The following WDFY2 variants were observed in gnomAD, a reference collection of about 807,000 sequenced individuals.
The protein encoded by WDFY2 is WD repeat and FYVE domain-containing protein 2.
WDFY2 carries 36 observed loss-of-function variants against 56.4 expected under a neutral mutation model. The ratio of observed to expected loss-of-function variants is 0.64; its 90% CI spans 0.49 to 0.84. The LOEUF (loss-of-function observed/expected upper bound fraction) is 0.84, where lower values mean the gene tolerates loss of function less well. Among genes scored for constraint, WDFY2 ranks in the 40% least tolerant of loss-of-function variants. The pLI, the probability that WDFY2 is intolerant of heterozygous loss-of-function variation, is 0.00. For missense variants in WDFY2, 444 were observed against 512.2 expected (o/e 0.87, Z 1.29); for synonymous variants, 176 against 183.7 (o/e 0.96, Z 0.34).
At chr13:51,707,178 G>A (rs1360930055) in intron 4 of WDFY2, among the ~76,000 whole-genome samples, 1 of 152,174 alleles carries the variant, frequency 6.6e-6, no homozygotes, top group Non-Finnish European at 1.5e-5. Context: ...GGGCAGCAGG[G>A]AGACAGGGTC....
At chr13:51,586,365 A>G in intron 1 of WDFY2, 1 of 286,692 alleles carries the variant, frequency 3.5e-6, no homozygotes, top group Non-Finnish European at 6.4e-6. Context: ...AAATTCATGG[A>G]ATCAAGAAAA....
chr13:51,594,113 T>A (rs1220589994), intron 1 of WDFY2: 3 of 152,192 alleles, frequency 2.0e-5, no homozygotes, highest in Non-Finnish European at 2.9e-5. Context: ...TGTGGACACC[T>A]AATTAGCATA....
intron 2 of WDFY2, among the ~76,000 whole-genome samples, chr13:51,672,571 A>G (rs1316243209): frequency 6.6e-6 from 1 of 151,930 alleles, no homozygotes; most frequent in Non-Finnish European, 1.5e-5. Flanking sequence ...TGTTTTTTCT[A>G]GTTCTATGAA....
At chr13:51,662,229 C>G (rs1955628600) in intron 2 of WDFY2, among the ~76,000 whole-genome samples, 1 of 152,186 alleles carries the variant, frequency 6.6e-6, no homozygotes, top group Non-Finnish European at 1.5e-5. Context: ...CCTCGGCCTC[C>G]CAAAGTGCTT....
intron 1 of WDFY2, among the ~76,000 whole-genome samples, chr13:51,644,318 G>A (rs1955227977): frequency 2.0e-5 from 3 of 152,120 alleles, no homozygotes; most frequent in South Asian, 2.1e-4. Context: ...TCCCCCTCTC[G>A]AGGGTCTTAC....
chr13:51,747,262 C>A (rs1953124483), intron 7 of WDFY2, among the ~76,000 whole-genome samples: 1 of 152,192 alleles, frequency 6.6e-6, no homozygotes, highest in Admixed American at 6.5e-5. Context: ...AAGTAAAATT[C>A]CCCATTGGGA....
intron 1 of WDFY2, among the ~76,000 whole-genome samples, chr13:51,599,910 A>C (rs763921686): frequency 1.3e-5 from 2 of 152,008 alleles, no homozygotes; most frequent in Non-Finnish European, 2.9e-5. Flanking sequence ...AAAAAAAACA[A>C]AACAAAAAAA....
intron 1 of WDFY2, among the ~76,000 whole-genome samples, chr13:51,623,716 A>G (rs928913374): frequency 6.6e-6 from 1 of 152,202 alleles, no homozygotes; most frequent in African/African-American, 2.4e-5. Context: ...TCCTGTGAAC[A>G]TTGGGAAGCT....
chr13:51,740,606 C>A (rs1004269252), intron 7 of WDFY2, among the ~76,000 whole-genome samples: 1 of 151,286 alleles, frequency 6.6e-6, no homozygotes, highest in African/African-American at 2.4e-5. Context: ...CCCAGCTACT[C>A]GGGAGGCTGA....
At chr13:51,737,551 TAA>T (rs67418551) in intron 6 of WDFY2, among the ~76,000 whole-genome samples, 352 of 53,228 alleles carry the variant, frequency 6.6e-3, no homozygotes, top group African/African-American at 0.011. Context: ...ACAATGAATT[TAA>T]AAAAAAAAAA....
intron 4 of WDFY2, among the ~76,000 whole-genome samples, chr13:51,717,213 T>C (rs1267095297): frequency 6.6e-6 from 1 of 152,182 alleles, no homozygotes; most frequent in African/African-American, 2.4e-5. Context: ...TAGTGATAAG[T>C]TATGTATCTT....
chr13:51,749,574 T>G (rs933310294), intron 7 of WDFY2, among the ~76,000 whole-genome samples: 3 of 152,116 alleles, frequency 2.0e-5, no homozygotes, highest in African/African-American at 7.2e-5. Context: ...CACACATTAC[T>G]GAAATTTCCA....
intron 7 of WDFY2, among the ~76,000 whole-genome samples, chr13:51,741,106 A>T (rs1206278213): frequency 6.6e-6 from 1 of 152,224 alleles, no homozygotes; most frequent in Non-Finnish European, 1.5e-5. Flanking sequence ...AAACTTTAAC[A>T]AATAGCTCTT....
intron 1 of WDFY2, among the ~76,000 whole-genome samples, chr13:51,641,198 G>A (rs528493582): frequency 6.6e-6 from 1 of 151,822 alleles, no homozygotes; most frequent in Non-Finnish European, 1.5e-5. Flanking sequence ...CTAGCCTCCC[G>A]AGTAGCTGGG....
chr13:51,594,411 C>A (rs945652917), intron 1 of WDFY2, among the ~76,000 whole-genome samples: 4 of 152,156 alleles, frequency 2.6e-5, no homozygotes, highest in Non-Finnish European at 5.9e-5. Flanking sequence ...CTAAAACTTG[C>A]TGTTAATTAT....
intron 6 of WDFY2, among the ~76,000 whole-genome samples, chr13:51,733,170 G>A (rs1247478481): frequency 6.6e-6 from 1 of 152,056 alleles, no homozygotes; most frequent in Non-Finnish European, 1.5e-5. Context: ...TGAGTAGCTG[G>A]GATTACAGGT....
intron 3 of WDFY2, among the ~76,000 whole-genome samples, chr13:51,698,400 T>A (rs898537241): frequency 1.1e-4 from 17 of 152,324 alleles, no homozygotes; most frequent in African/African-American, 3.6e-4. Context: ...TTTTATAAAT[T>A]GAAGGATTTT....
chr13:51,717,566 G>T (rs934316451), intron 4 of WDFY2, among the ~76,000 whole-genome samples: 1 of 151,872 alleles, frequency 6.6e-6, no homozygotes, highest in Non-Finnish European at 1.5e-5. Context: ...TAAAAAGAGG[G>T]GTGAGGTGTT....
At chr13:51,658,704 G>A (rs529217232) in intron 1 of WDFY2, among the ~76,000 whole-genome samples, 60 of 152,228 alleles carry the variant, frequency 3.9e-4, no homozygotes, top group African/African-American at 1.4e-3. Flanking sequence ...AGTGAATGCC[G>A]ATATGCGTAT....
Sources: gnomAD v4.1 joint callset for allele counts (sites outside exome capture counted in the v4.1 genomes callset) on GRCh38, gnomAD v4.1.1 for gene constraint, MANE v1.5 for transcripts, NCBI Gene and HGNC (gene_info 2026-07-23, HGNC 2026-07-21) for gene names.